Variants in DDX10 observed in about 807,000 individuals in gnomAD.
DDX10 encodes the protein probable ATP-dependent RNA helicase DDX10.
A neutral mutation model predicts 104.3 loss-of-function variants in DDX10; 74 were observed. The ratio of observed to expected loss-of-function variants is 0.71; its 90% CI spans 0.59 to 0.86. The LOEUF is 0.86. DDX10 is among the 40% of genes least tolerant of loss of function. The pLI, the probability that DDX10 is intolerant of heterozygous loss-of-function variation, is 0.00. For synonymous variants in DDX10, 351 were observed against 353.4 expected (o/e 0.99, Z 0.08); for missense variants, 952 against 1,040.0 (o/e 0.92, Z 1.16).
rs576974562 is a variant in DDX10, at chr11:108,703,157, ACT to A, written c.1224-3579_1224-3578del. ...AAATGTTCTCACCACAAAAATGATA[ACT>A]CTGTGAGGTAATGCATATTTTAATT... is the stretch of plus-strand genomic sequence containing the variant. On this transcript the variant is annotated intron_variant, in intron 9 of 17. Transcript: ENST00000322536. Among the ~76,000 whole-genome samples the A allele has an allele frequency of 7.2e-5, 11 of 152,082 alleles. No individual in the cohort carries two copies. In the South Asian group the frequency reaches 2.1e-3, roughly 29 times the overall value.
At chr11:108,674,385 G>GTA in intron 2 of DDX10, among the ~76,000 whole-genome samples, 1 of 151,974 alleles carries the variant, frequency 6.6e-6, no homozygotes, top group South Asian at 2.1e-4. Flanking sequence ...CAAACTAATT[G>GTA]TATATGTGCT....
chr11:108,788,571 C>T (rs1861827692), intron 13 of DDX10, among the ~76,000 whole-genome samples: 1 of 152,168 alleles, frequency 6.6e-6, no homozygotes, highest in Admixed American at 6.5e-5. Flanking sequence ...CCATGTTGGT[C>T]AGGCTGGTCT....
At chr11:108,912,380 C>A (rs1177303715) in intron 16 of DDX10, among the ~76,000 whole-genome samples, 3 of 152,054 alleles carry the variant, frequency 2.0e-5, no homozygotes, top group African/African-American at 7.3e-5. Flanking sequence ...ATTCTCCTTC[C>A]TTAATATTTC....
At chr11:108,839,412 C>T (rs908240836) in intron 14 of DDX10, among the ~76,000 whole-genome samples, 1 of 152,208 alleles carries the variant, frequency 6.6e-6, no homozygotes, top group Admixed American at 6.5e-5. Flanking sequence ...TTCCACTCCA[C>T]TTCTTCTTGA....
intron 7 of DDX10, chr11:108,690,828 C>A: frequency 5.1e-6 from 1 of 194,322 alleles, no homozygotes; most frequent in Non-Finnish European, 1.1e-5. Flanking sequence ...TTGTGACTGG[C>A]ATCCACCCCT....
intron 1 of DDX10, among the ~76,000 whole-genome samples, chr11:108,668,600 A>T (rs1399775035): frequency 1.3e-5 from 2 of 152,110 alleles, no homozygotes; most frequent in Admixed American, 1.3e-4. Flanking sequence ...AAAACTTACT[A>T]CATAGCCATG....
chr11:108,727,853 A>G, intron 13 of DDX10: 1 of 205,676 alleles, frequency 4.9e-6, no homozygotes, highest in Non-Finnish European at 1.0e-5. Flanking sequence ...AAGGACACAT[A>G]GAAAATACAT....
intron 13 of DDX10, among the ~76,000 whole-genome samples, chr11:108,738,536 A>G (rs1052222513): frequency 8.5e-5 from 13 of 152,190 alleles, no homozygotes; most frequent in Non-Finnish European, 1.2e-4. Flanking sequence ...GAGCCCACCT[A>G]TCTAGTTTCC....
intron 13 of DDX10, among the ~76,000 whole-genome samples, chr11:108,764,491 A>G (rs1460031688): frequency 6.6e-6 from 1 of 152,182 alleles, no homozygotes. Context: ...AACATGGTGA[A>G]ACCCCGTCTC....
chr11:108,774,309 A>G (rs1411662603), intron 13 of DDX10, among the ~76,000 whole-genome samples: 3 of 152,134 alleles, frequency 2.0e-5, no homozygotes, highest in East Asian at 1.9e-4. Context: ...TTAGGTTGCA[A>G]TTTTCTTTAC....
intron 13 of DDX10, among the ~76,000 whole-genome samples, chr11:108,749,119 C>T (rs561453724): frequency 5.6e-4 from 85 of 151,874 alleles, no homozygotes; most frequent in South Asian, 2.1e-3. Flanking sequence ...TCTTGATGAT[C>T]TCAATCTCCT....
intron 10 of DDX10, among the ~76,000 whole-genome samples, chr11:108,709,024 A>G (rs1050048872): frequency 6.6e-6 from 1 of 152,230 alleles, no homozygotes; most frequent in Non-Finnish European, 1.5e-5. Flanking sequence ...ATAGATGATC[A>G]TGGATCTGTG....
At chr11:108,864,902 C>T (rs1862989093) in intron 16 of DDX10, among the ~76,000 whole-genome samples, 1 of 152,158 alleles carries the variant, frequency 6.6e-6, no homozygotes, top group Admixed American at 6.5e-5. Context: ...TCAGCATGCC[C>T]AAACTCTAGT....
rs751497585 is a variant in DDX10, at chr11:108,688,918, TTTCCGTAA to T, written c.849-13_849-6del. Reference sequence around the variant, plus strand: ...ACATGACATATTCTAATGTTTTTCTTTTCCGTAATTCCACAAGCACCCCTGCCACTTTG... The same window carrying T: ...ACATGACATATTCTAATGTTTTTCTTTTCCACAAGCACCCCTGCCACTTTG... On this transcript the variant is annotated splice_polypyrimidine_tract_variant and intron_variant, in intron 6 of 17. Transcript: ENST00000322536. The T allele has an allele frequency of 6.2e-7, 1 of 1,606,402 alleles. No homozygotes were observed. The highest frequency in any genetic ancestry group is 1.1e-5 in the South Asian group (1 of 89,698).
rs192321167 is a variant in DDX10 at position 108,846,394 on chromosome 11, A to G, written c.2247+4918A>G. Among the ~76,000 whole-genome samples the G allele has an allele frequency of 1.6e-4, 24 of 152,316 alleles. No individual in the cohort carries two copies. The East Asian group carries it at 4.2e-3, about 27-fold the overall frequency. ...CTGTCTGATGGAAACTTTATACACT[A>G]TAACCAACATCTTCCCTTTGCCCAT... On this transcript the variant is annotated intron_variant, in intron 15 of 17. Transcript: ENST00000322536.
At position 108,937,796 on chromosome 11, in the gene DDX10, T is replaced by C. The variant is rs539713033; in HGVS notation, c.2451-2450T>C. ...TTAGCCCTACTTCTGATTTTTATAGTAGTAGTAGGCCTTTTGGTGTGCTGA... is the reference window on the plus strand; with the variant it reads ...TTAGCCCTACTTCTGATTTTTATAGCAGTAGTAGGCCTTTTGGTGTGCTGA... On this transcript the variant is annotated intron_variant, in intron 17 of 17. Transcript: ENST00000322536. Among the ~76,000 whole-genome samples, 11 of 152,326 alleles carry C rather than the reference T, an allele frequency of 7.2e-5. No individual in the cohort carries two copies. In the South Asian group the frequency reaches 2.3e-3, roughly 32 times the overall value.
chr11:108,916,538 T>A (rs1863753165), intron 16 of DDX10, among the ~76,000 whole-genome samples: 2 of 152,220 alleles, frequency 1.3e-5, no homozygotes, highest in Admixed American at 6.5e-5. Flanking sequence ...GCTAGCACAG[T>A]CATTACTATG....
intron 16 of DDX10, among the ~76,000 whole-genome samples, chr11:108,914,284 T>G (rs1863716624): frequency 6.6e-6 from 1 of 152,236 alleles, no homozygotes; most frequent in Non-Finnish European, 1.5e-5. Flanking sequence ...TGTGGCATTA[T>G]ATATTAATAC....
chr11:108,876,948 A>C (rs1360913407), intron 16 of DDX10, among the ~76,000 whole-genome samples: 1 of 152,164 alleles, frequency 6.6e-6, no homozygotes, highest in Non-Finnish European at 1.5e-5. Flanking sequence ...CCTATAAAGG[A>C]GATTCTTGGT....
Sources: gnomAD v4.1 joint callset for allele counts (sites outside exome capture counted in the v4.1 genomes callset) on GRCh38, gnomAD v4.1.1 for gene constraint, MANE v1.5 for transcripts, NCBI Gene and HGNC (gene_info 2026-07-23, HGNC 2026-07-21) for gene names.